Variants in TCERG1L observed in about 807,000 individuals in gnomAD.
TCERG1L encodes transcription elongation regulator 1 like.
Under a neutral mutation model 56.3 loss-of-function variants are expected in TCERG1L, and 37 were observed. That is an observed-to-expected ratio of 0.66 (90% CI 0.51 to 0.87). The LOEUF (loss-of-function observed/expected upper bound fraction) is 0.87. Ranked by LOEUF, TCERG1L falls within the 40% of genes least tolerant of loss-of-function variation. The pLI is 0.00. For missense variants in TCERG1L, 799 were observed against 774.2 expected, an observed-to-expected ratio of 1.03 and a Z score of -0.38; for synonymous variants, 324 against 326.3, an observed-to-expected ratio of 0.99 and a Z score of 0.08.
At position 131,222,171 on chromosome 10, in the gene TCERG1L, G is replaced by A. The variant is rs114647402; in HGVS notation, c.856+38088C>T. Among the ~76,000 whole-genome samples, 573 of 152,346 alleles carry A rather than the reference G, an allele frequency of 3.8e-3. 6 individuals are homozygous for A. The highest frequency in any genetic ancestry group is 0.014 in the Middle Eastern group (4 of 294). ...GGAGTTCCAGACCATTAAGGTGGCC[G>A]CTTCTCCGCGGCATGCGAGTTTAGC... On this transcript the variant is annotated intron_variant, in intron 4 of 11. Transcript: ENST00000368642.
rs568074782 is a variant in TCERG1L at position 131,293,993 on chromosome 10, C to G, written c.670+14218G>C. Reference sequence around the variant, plus strand: ...GCTGTAGGTAAGGCCCAGGCAATTGCTCTCTGTAATTTCCTGAGTGTACTT... The same window carrying G: ...GCTGTAGGTAAGGCCCAGGCAATTGGTCTCTGTAATTTCCTGAGTGTACTT... On this transcript the variant is annotated intron_variant, in intron 3 of 11. Coordinates refer to ENST00000368642, the MANE Select transcript of TCERG1L (RefSeq NM_174937.4). Among the ~76,000 whole-genome samples the G allele has an allele frequency of 9.9e-5, 15 of 152,270 alleles. No individual in the cohort carries two copies. The South Asian group carries it at 1.5e-3, about 15-fold the overall frequency.
intron 3 of TCERG1L, among the ~76,000 whole-genome samples, chr10:131,300,987 T>A (rs1423320775): frequency 6.6e-6 from 1 of 152,084 alleles, no homozygotes; most frequent in East Asian, 1.9e-4. Context: ...GTATTTTGAT[T>A]AAGACAAATT....
Position 131,308,324 on chromosome 10 carries a change from T to C in TCERG1L, c.557A>G (p.His186Arg), listed in dbSNP as rs746534661. 1.9e-6 allele frequency: 3 copies of C among 1,613,906 alleles called. No individual in the cohort carries two copies. Among genetic ancestry groups the C allele is most frequent in the Non-Finnish European group, 1.7e-6 (2 of 1,179,876 alleles). The change falls in exon 3 of 12, where the codon CAT becomes CGT. Residue 186 changes from histidine (H) to arginine (R), a missense_variant. Transcript: ENST00000368642. ...WIHPEESRFFHGHEKPRLLAN... is the reference protein window; with the variant it reads ...WIHPEESRFFRGHEKPRLLAN... ...CAGCAAACGAGGCTTTTCATGCCCA[T>C]GGAAAAACCTTGACTCCTCAGGATG...
intron 3 of TCERG1L, among the ~76,000 whole-genome samples, chr10:131,278,314 G>A (rs951527347): frequency 2.6e-5 from 4 of 151,316 alleles, no homozygotes; most frequent in African/African-American, 9.7e-5. Context: ...CTCTCCCCTT[G>A]AGCTACATCG....
intron 3 of TCERG1L, among the ~76,000 whole-genome samples, chr10:131,278,721 G>T (rs1846420973): frequency 6.7e-6 from 1 of 148,654 alleles, no homozygotes; most frequent in African/African-American, 2.5e-5. Flanking sequence ...GCTGGCCTGG[G>T]GGGTGCCCTT....
At chr10:131,133,129 G>T (rs911810631) in intron 8 of TCERG1L, among the ~76,000 whole-genome samples, 1 of 152,172 alleles carries the variant, frequency 6.6e-6, no homozygotes, top group Non-Finnish European at 1.5e-5. Flanking sequence ...CCAGCAGAGA[G>T]AAGAGTCTGC....
At chr10:131,119,367 A>G (rs1415178860) in intron 8 of TCERG1L, among the ~76,000 whole-genome samples, 2 of 152,260 alleles carry the variant, frequency 1.3e-5, no homozygotes, top group Admixed American at 1.3e-4. Flanking sequence ...CTATTCCAGG[A>G]GAATTTACAT....
intron 4 of TCERG1L, among the ~76,000 whole-genome samples, chr10:131,218,403 G>A (rs1400032763): frequency 1.3e-5 from 2 of 152,218 alleles, no homozygotes; most frequent in Non-Finnish European, 2.9e-5. Flanking sequence ...GGCTTGGGTG[G>A]TGTGACCTCA....
At chr10:131,255,396 A>T (rs578015803) in intron 4 of TCERG1L, among the ~76,000 whole-genome samples, 1 of 152,272 alleles carries the variant, frequency 6.6e-6, no homozygotes, top group African/African-American at 2.4e-5. Flanking sequence ...CATATTGTCT[A>T]GAGATAATGC....
intron 2 of TCERG1L, among the ~76,000 whole-genome samples, chr10:131,308,731 T>C (rs925267268): frequency 2.6e-5 from 4 of 152,172 alleles, no homozygotes; most frequent in South Asian, 4.1e-4. Flanking sequence ...GTGAACAAAA[T>C]GTAGTCAGTA....
intron 6 of TCERG1L, chr10:131,156,252 T>C (rs942730459): frequency 6.6e-6 from 1 of 152,228 alleles, no homozygotes; most frequent in Non-Finnish European, 1.5e-5. Context: ...GAACATGATT[T>C]TGATACTAGT....
rs1468513166 is a variant in TCERG1L at position 131,098,316 on chromosome 10, C to T, written c.1594G>A (p.Val532Met). Reference sequence around the variant, plus strand: ...TTTCTCTCTCCATACCTGGGAGACACTTTAGATTCCTCTAGAAGTTTCTTG... The same window carrying T: ...TTTCTCTCTCCATACCTGGGAGACATTTTAGATTCCTCTAGAAGTTTCTTG... The part of the protein sequence containing the change: ...EFKKLLEESK[V>M]SPRTTFKEFA... The change falls in exon 11 of 12, where the codon GTG becomes ATG. Residue 532 changes from valine to methionine, a missense_variant. Val to Met is a conservative substitution (Grantham distance 21). Transcript: ENST00000368642. The T allele has an allele frequency of 4.5e-6, 7 of 1,552,074 alleles. No homozygotes were observed. The highest frequency in any genetic ancestry group is 5.2e-6 in the Non-Finnish European group (6 of 1,147,234).
chr10:131,309,123 C>T, intron 2 of TCERG1L, 30 bp downstream of exon 2: 1 of 1,598,066 alleles, frequency 6.3e-7, no homozygotes, highest in Non-Finnish European at 8.5e-7. Context: ...TTAAAAGCCC[C>T]TTATCCAATT....
intron 4 of TCERG1L, among the ~76,000 whole-genome samples, chr10:131,240,783 C>T (rs1471781788): frequency 2.0e-5 from 3 of 152,164 alleles, no homozygotes; most frequent in Non-Finnish European, 2.9e-5. Flanking sequence ...GGAGGGGGCG[C>T]GGAGGGACGC....
intron 4 of TCERG1L, among the ~76,000 whole-genome samples, chr10:131,170,241 G>A (rs768599862): frequency 5.3e-5 from 8 of 151,958 alleles, no homozygotes; most frequent in East Asian, 3.9e-4. Flanking sequence ...CTTATTCTAC[G>A]GCTCTCCGGG....
chr10:131,294,904 A>C (rs1846673451), intron 3 of TCERG1L, among the ~76,000 whole-genome samples: 1 of 152,012 alleles, frequency 6.6e-6, no homozygotes, highest in Non-Finnish European at 1.5e-5. Flanking sequence ...GCTTTTAATA[A>C]ATGTATACAC....
chr10:131,196,813 G>A lies in TCERG1L; in HGVS notation c.857-29928C>T, dbSNP rs113214793. On this transcript the variant is annotated intron_variant, in intron 4 of 11. Transcript: ENST00000368642. ...GCATTGACCTCTGCTGTCATCATGCGCTAGCTGCCATTCACTTCTTAGTAC... is the reference window on the plus strand; with the variant it reads ...GCATTGACCTCTGCTGTCATCATGCACTAGCTGCCATTCACTTCTTAGTAC... Among the ~76,000 whole-genome samples, 3 of 152,332 alleles carry A rather than the reference G, an allele frequency of 2.0e-5. 1 individual carries two copies. The highest frequency in any genetic ancestry group is 2.1e-4 in the South Asian group (1 of 4,826).
At chr10:131,164,208 T>G (rs552194876) in intron 5 of TCERG1L, 1 of 149,754 alleles carries the variant, frequency 6.7e-6, no homozygotes, top group Non-Finnish European at 1.5e-5. Flanking sequence ...GCCCTAAAAT[T>G]AAAAAGAGAG....
At chr10:131,127,373 G>A (rs1845574969) in intron 8 of TCERG1L, among the ~76,000 whole-genome samples, 1 of 152,178 alleles carries the variant, frequency 6.6e-6, no homozygotes, top group African/African-American at 2.4e-5. Flanking sequence ...ACCCTGTCAT[G>A]AGCAGCATTC....
Sources: allele counts gnomAD v4.1 joint callset (sites outside exome capture counted in the v4.1 genomes callset), GRCh38; gene constraint gnomAD v4.1.1; transcripts MANE v1.5; gene names NCBI Gene and HGNC (gene_info 2026-07-23, HGNC 2026-07-21).